CD81: variants seen among roughly 807,000 people sequenced by gnomAD.
CD81 encodes the protein CD81 antigen.
Under a neutral mutation model 30.1 loss-of-function variants are expected in CD81, and 10 were observed. The ratio of observed to expected loss-of-function variants is 0.33; its 90% CI spans 0.21 to 0.56. The LOEUF is 0.56. CD81 is among the 20% of genes least tolerant of loss of function. The probability of loss-of-function intolerance (pLI) is 0.89; values close to 1 mark genes in which losing one functional copy is unlikely to be tolerated. For missense variants in CD81, 263 were observed against 308.7 expected (o/e 0.85, Z 1.11); for synonymous variants, 147 against 126.4 (o/e 1.16, Z -1.10).
intron 5 of CD81, 74 bp from the exon 6 acceptor site, chr11:2,395,795 T>TC: frequency 9.8e-7 from 1 of 1,022,820 alleles, no homozygotes; most frequent in Non-Finnish European, 1.5e-6. Context: ...CCTGGCCACC[T>TC]CCCCATGGGT....
chr11:2,390,583 T>C, intron 2 of CD81, 57 bp downstream of exon 2: 3 of 1,272,336 alleles, frequency 2.4e-6, no homozygotes, highest in South Asian at 1.2e-5. Context: ...AGGAGGCAGG[T>C]CCTAGCCTTT....
intron 1 of CD81, among the ~76,000 whole-genome samples, chr11:2,389,394 G>A (rs1253106443): frequency 1.3e-5 from 2 of 152,156 alleles, no homozygotes; most frequent in Non-Finnish European, 2.9e-5. Context: ...AGAGGGCTGG[G>A]CACTGCCCCT....
rs777681037 is a variant in CD81 at position 2,390,545 on chromosome 11, G to T, written c.181+19G>T. ...TATGTAGGTGAGTGCACATGTGGCCGCAGACGCATTCAGGGAGGGCTTCTA... is the reference window on the plus strand; with the variant it reads ...TATGTAGGTGAGTGCACATGTGGCCTCAGACGCATTCAGGGAGGGCTTCTA... On this transcript the variant is annotated intron_variant, in intron 2 of 7. Transcript: ENST00000263645. The T allele has an allele frequency of 4.5e-6, 7 of 1,551,702 alleles. No individual in the cohort carries two copies. The highest frequency in any genetic ancestry group is 5.3e-6 in the Non-Finnish European group (6 of 1,124,310).
At chr11:2,395,085 CGGG>C (rs747552340) in intron 4 of CD81, 39 bp downstream of exon 4, 11 of 1,510,578 alleles carry the variant, frequency 7.3e-6, no homozygotes, top group Middle Eastern at 2.2e-4. Flanking sequence ...GGGTGGGTGA[CGGG>C]GGCACCCTCC....
intron 1 of CD81, among the ~76,000 whole-genome samples, chr11:2,387,202 A>G (rs1849813059): frequency 6.6e-6 from 1 of 152,054 alleles, no homozygotes; most frequent in Non-Finnish European, 1.5e-5. Flanking sequence ...GCACGGTTCC[A>G]TGATCAGCTC....
intron 1 of CD81, among the ~76,000 whole-genome samples, chr11:2,380,479 T>C (rs938692177): frequency 6.6e-6 from 1 of 152,130 alleles, no homozygotes; most frequent in Admixed American, 6.5e-5. Context: ...GCTGTCTCCC[T>C]TCCCAAGCCA....
chr11:2,394,719 C>T (rs896218917), intron 3 of CD81: 6 of 600,158 alleles, frequency 1.0e-5, no homozygotes, highest in East Asian at 2.9e-5. Context: ...CCACACGCCC[C>T]GCCCCATCCA....
chr11:2,394,898 C>A, intron 3 of CD81, 74 bp from the exon 4 acceptor site: 1 of 1,367,838 alleles, frequency 7.3e-7, no homozygotes, highest in Non-Finnish European at 1.0e-6. Flanking sequence ...GCCTGCTGGG[C>A]ACCTGGGTGT....
chr11:2,385,831 A>C, intron 1 of CD81: 1 of 618,112 alleles, frequency 1.6e-6, no homozygotes, highest in South Asian at 1.6e-5. Context: ...GGGTTGTTTC[A>C]GTTTGGGGCA....
At chr11:2,380,476 C>T (rs116794482) in intron 1 of CD81, among the ~76,000 whole-genome samples, 2,043 of 152,266 alleles carry the variant, frequency 0.013, 44 homozygotes, top group African/African-American at 0.046. Flanking sequence ...CTTGCTGTCT[C>T]CCTTCCCAAG....
In CD81 at chr11:2,394,126, C is replaced by G. The variant is rs770534399; in HGVS notation, c.213C>G (p.Val71=). Reference sequence around the variant, plus strand: ...ACATCCTCATCGCTGTGGGCGCTGTCATGATGTTCGTTGGCTTCCTGGGCT... The same window carrying G: ...ACATCCTCATCGCTGTGGGCGCTGTGATGATGTTCGTTGGCTTCCTGGGCT... ...GIYILIAVGA[V]MMFVGFLGCY... The change falls in exon 3 of 8, where the codon GTC becomes GTG. Residue 71 remains valine (V), a synonymous_variant. Transcript: ENST00000263645. 6.2e-7 allele frequency: 1 copy of G among 1,613,302 alleles called. No homozygotes were observed. The highest frequency in any genetic ancestry group is 8.5e-7 in the Non-Finnish European group (1 of 1,179,892).
chr11:2,395,552 G>T, intron 5 of CD81, 32 bp downstream of exon 5: 1 of 1,559,944 alleles, frequency 6.4e-7, no homozygotes. Flanking sequence ...GCGGGGAGCA[G>T]GGCCCCGGGA....
chr11:2,385,536 G>A (rs920986325), intron 1 of CD81: 16 of 253,440 alleles, frequency 6.3e-5, no homozygotes, highest in African/African-American at 1.4e-4. Context: ...TGGCGTGCCC[G>A]TCGTCTGTGT....
intron 1 of CD81, among the ~76,000 whole-genome samples, chr11:2,387,518 C>A (rs571380815): frequency 3.3e-5 from 5 of 152,370 alleles, no homozygotes; most frequent in African/African-American, 1.2e-4. Context: ...AGGGTGAGGA[C>A]AGCCAGGCTC....
chr11:2,395,131 A>T, intron 4 of CD81, 85 bp downstream of exon 4: 1 of 1,175,008 alleles, frequency 8.5e-7, no homozygotes, highest in South Asian at 1.2e-5. Context: ...GGGCTGACTC[A>T]TGGCTTGTGG....
At chr11:2,383,422 GGCCGTTCACCT>G (rs1166822260) in intron 1 of CD81, among the ~76,000 whole-genome samples, 2 of 152,134 alleles carry the variant, frequency 1.3e-5, no homozygotes, top group Non-Finnish European at 2.9e-5. Flanking sequence ...AGGCTGGAGG[GGCCGTTCACCT>G]CCGGCCCCCA....
rs530580827 is a variant in CD81 at position 2,397,025 on chromosome 11, C to A, written c.*159C>A. 2.5e-4 allele frequency: 186 copies of A among 730,866 alleles called. No homozygotes were observed. The African/African-American group carries it at 3.0e-3, about 12-fold the overall frequency. The allele number at this position is 730,866 out of a possible 1,614,324, so 45.3% of individuals were successfully genotyped here. A position where few individuals can be genotyped will look rare whatever the true frequency, so the allele number is the denominator to read the frequency against. The stretch of plus-strand genomic sequence containing the variant: ...GGGTTTTGTTTTTGTTCTGAACTTT[C>A]CTGTTACCTTTTCAGGGCTGACGTC... On this transcript the variant is annotated 3_prime_UTR_variant, in exon 8 of 8. Transcript: ENST00000263645.
chr11:2,394,681 C>T (rs1204203985), intron 3 of CD81, among the ~76,000 whole-genome samples: 1 of 152,202 alleles, frequency 6.6e-6, no homozygotes, highest in South Asian at 2.1e-4. Flanking sequence ...CTGCAGACAT[C>T]CTGGACTCAC....
intron 1 of CD81, among the ~76,000 whole-genome samples, chr11:2,389,180 A>C (rs193044034): frequency 3.9e-5 from 6 of 152,214 alleles, no homozygotes; most frequent in African/African-American, 1.2e-4. Context: ...ACCCCAGGAG[A>C]GGTCTGAAGG....
Sources: gnomAD v4.1 joint callset for allele counts (sites outside exome capture counted in the v4.1 genomes callset) on GRCh38, gnomAD v4.1.1 for gene constraint, MANE v1.5 for transcripts, NCBI Gene and HGNC (gene_info 2026-07-23, HGNC 2026-07-21) for gene names.